Variants in CCNY observed in about 807,000 individuals in gnomAD.
The protein encoded by CCNY is cyclin Y.
CCNY carries 19 observed loss-of-function variants against 42.8 expected under a neutral mutation model. The observed-to-expected ratio is 0.44, with a 90% CI of 0.31 to 0.65. The LOEUF (loss-of-function observed/expected upper bound fraction) is 0.65, where lower values mean the gene tolerates loss of function less well. Ranked by LOEUF, CCNY falls within the 30% of genes least tolerant of loss-of-function variation. The pLI is 0.07. For missense variants in CCNY, 370 were observed against 437.3 expected (o/e 0.85, Z 1.37); for synonymous variants, 165 against 162.7 (o/e 1.01, Z -0.11).
intron 2 of CCNY, 105 bp from the exon 3 acceptor site, chr10:35,501,396 T>C (rs1302825911): frequency 5.7e-6 from 5 of 871,244 alleles, no homozygotes; most frequent in Non-Finnish European, 9.8e-6. Context: ...GGTATGTTGG[T>C]TGGTGGAAGG....
intron 1 of CCNY, among the ~76,000 whole-genome samples, chr10:35,459,948 A>C (rs547555004): frequency 2.6e-4 from 39 of 152,284 alleles, no homozygotes; most frequent in African/African-American, 8.4e-4. Flanking sequence ...GAAGGGAAAA[A>C]AAGGATTACT....
chr10:35,481,357 G>A (rs1157090690), intron 1 of CCNY, among the ~76,000 whole-genome samples: 2 of 152,210 alleles, frequency 1.3e-5, no homozygotes, highest in Admixed American at 6.5e-5. Context: ...TTAGGGGATT[G>A]TCTTCCAGGA....
intron 3 of CCNY, among the ~76,000 whole-genome samples, chr10:35,258,087 GGA>G (rs2095716900): frequency 6.6e-6 from 1 of 151,972 alleles, no homozygotes. Flanking sequence ...TGTTTCTTTG[GGA>G]GGCAGAGGTT....
intron 3 of CCNY, among the ~76,000 whole-genome samples, chr10:35,256,260 T>C (rs1394214027): frequency 2.0e-5 from 3 of 152,022 alleles, no homozygotes; most frequent in African/African-American, 7.3e-5. Context: ...TTATAACTTT[T>C]TTGTCCCATG....
chr10:35,370,870 C>T (rs1033404260), intron 1 of CCNY, among the ~76,000 whole-genome samples: 7 of 151,870 alleles, frequency 4.6e-5, no homozygotes, highest in African/African-American at 1.7e-4. Flanking sequence ...CACCTGCCAC[C>T]ACGCCCGGCT....
Position 35,549,105 on chromosome 10 carries a change from C to A in CCNY, c.580-3914C>A, listed in dbSNP as rs866593070. On this transcript the variant is annotated intron_variant, in intron 7 of 9. Coordinates refer to ENST00000374704, the MANE Select transcript of CCNY (RefSeq NM_145012.6). ...CCGTGCCCCTCACCACCCACCCCAC[C>A]CCCCCCCGCCCCTCATCATGCCAAA... Among the ~76,000 whole-genome samples the A allele has an allele frequency of 1.6e-3, 234 of 143,636 alleles. 3 individuals carry two copies. Among genetic ancestry groups the A allele is most frequent in the Non-Finnish European group, 1.9e-3 (126 of 65,256 alleles). The allele number at this position is 143,636 out of a possible 152,430, so 94.2% of individuals were successfully genotyped here.
chr10:35,535,029 G>A lies in CCNY; in HGVS notation c.579+4786G>A, dbSNP rs866528551. On this transcript the variant is annotated intron_variant, in intron 7 of 9. Transcript: ENST00000374704. ...TGTGTGTGTGTGTGTGTGTGTGTGT[G>A]TGTATGTATATATAGATCTATATAT... Among the ~76,000 whole-genome samples, 1,103 of 120,378 alleles carry A rather than the reference G, an allele frequency of 9.2e-3. 14 individuals carry two copies. The highest frequency in any genetic ancestry group is 0.03 in the African/African-American group (1,022 of 34,212). 79.0% of individuals were successfully genotyped at this position (120,378 alleles called of 152,430 possible).
intron 1 of CCNY, among the ~76,000 whole-genome samples, chr10:35,442,854 T>C (rs142261052): frequency 1.1e-3 from 169 of 152,340 alleles, no homozygotes; most frequent in Non-Finnish European, 2.0e-3. Context: ...TTCGTCATTG[T>C]GTGAACATGA....
chr10:35,345,048 G>A (rs1836270090), intron 1 of CCNY, among the ~76,000 whole-genome samples: 1 of 152,188 alleles, frequency 6.6e-6, no homozygotes. Flanking sequence ...ATGTGCATGT[G>A]TCTTTATAGC....
At chr10:35,457,644 AG>A (rs2135323854) in intron 1 of CCNY, among the ~76,000 whole-genome samples, 1 of 151,964 alleles carries the variant, frequency 6.6e-6, no homozygotes, top group South Asian at 2.1e-4. Flanking sequence ...GCAGTGGCAC[AG>A]TCTCGGCTCA....
chr10:35,347,451 T>C lies in CCNY; in HGVS notation c.154+10244T>C, dbSNP rs754336621. ...CTGTTGAAGGCTGACTAGGAAATAC[T>C]CTGCATGGGAGTTCTATGTAATATA... On this transcript the variant is annotated intron_variant, in intron 1 of 9. Coordinates refer to ENST00000374704, the MANE Select transcript of CCNY (RefSeq NM_145012.6). 1.5e-4 allele frequency: 145 copies of C among 983,044 alleles called. No individual in the cohort carries two copies. The Middle Eastern group carries it at 1.6e-3, about 11-fold the overall frequency. 60.9% of individuals were successfully genotyped at this position (983,044 alleles called of 1,614,324 possible). A position where few individuals can be genotyped will look rare whatever the true frequency, so the allele number is the denominator to read the frequency against.
At chr10:35,390,989 C>G (rs1837401232) in intron 1 of CCNY, among the ~76,000 whole-genome samples, 1 of 152,172 alleles carries the variant, frequency 6.6e-6, no homozygotes, top group African/African-American at 2.4e-5. Flanking sequence ...GGAAAGAGTA[C>G]AGACTCCACC....
At chr10:35,426,210 C>T (rs866321231) in intron 1 of CCNY, among the ~76,000 whole-genome samples, 17 of 150,710 alleles carry the variant, frequency 1.1e-4, no homozygotes, top group Admixed American at 6.6e-4. Flanking sequence ...ATTCTCACAA[C>T]CCATTCACAA....
intron 4 of CCNY, among the ~76,000 whole-genome samples, chr10:35,522,348 G>A (rs1430617791): frequency 6.6e-6 from 1 of 152,186 alleles, no homozygotes; most frequent in Non-Finnish European, 1.5e-5. Context: ...ACCTGCCTTT[G>A]CGAGATGAGC....
At chr10:35,475,154 A>G (rs1839478881) in intron 1 of CCNY, among the ~76,000 whole-genome samples, 1 of 152,188 alleles carries the variant, frequency 6.6e-6, no homozygotes, top group Non-Finnish European at 1.5e-5. Flanking sequence ...GACCAAATCT[A>G]CATCTGATTG....
At chr10:35,549,110 C>G (rs1237634256) in intron 7 of CCNY, among the ~76,000 whole-genome samples, 1 of 146,662 alleles carries the variant, frequency 6.8e-6, no homozygotes, top group East Asian at 2.0e-4. Context: ...CCCACCCCCC[C>G]CCGCCCCTCA....
At chr10:35,295,474 C>T (rs755661929) in intron 3 of CCNY, among the ~76,000 whole-genome samples, 1 of 151,966 alleles carries the variant, frequency 6.6e-6, no homozygotes, top group Non-Finnish European at 1.5e-5. Context: ...TCAGGTGATC[C>T]GCCCGTTTCT....
intron 1 of CCNY, among the ~76,000 whole-genome samples, chr10:35,470,885 T>A (rs889156643): frequency 6.6e-6 from 1 of 152,222 alleles, no homozygotes; most frequent in African/African-American, 2.4e-5. Context: ...GATTTAAAAT[T>A]AACAGGCTTT....
intron 3 of CCNY, among the ~76,000 whole-genome samples, chr10:35,330,647 T>G (rs543134926): frequency 2.7e-4 from 41 of 152,326 alleles, no homozygotes; most frequent in African/African-American, 9.6e-4. Context: ...ACAGGGACAT[T>G]ATCTTAGTTC....
Sources: allele counts gnomAD v4.1 joint callset (sites outside exome capture counted in the v4.1 genomes callset), GRCh38; gene constraint gnomAD v4.1.1; transcripts MANE v1.5; gene names NCBI Gene and HGNC (gene_info 2026-07-23, HGNC 2026-07-21).